OXR1: variants seen among roughly 807,000 people sequenced by gnomAD.
OXR1 encodes the protein oxidation resistance 1.
A neutral mutation model predicts 104.6 loss-of-function variants in OXR1; 41 were observed. The ratio of observed to expected loss-of-function variants is 0.39; its 90% CI spans 0.31 to 0.51. OXR1 has a LOEUF of 0.51. Ranked by LOEUF, OXR1 falls within the 20% of genes least tolerant of loss-of-function variation. The probability of loss-of-function intolerance (pLI) is 0.77; values close to 1 mark genes in which losing one functional copy is unlikely to be tolerated. For synonymous variants in OXR1, 348 were observed against 348.4 expected (o/e 1.00, Z 0.01); for missense variants, 955 against 1,031.9 (o/e 0.93, Z 1.02).
rs28924668 is a variant in OXR1, at chr8:106,722,298, C to T, written c.1956+8313C>T. Among the ~76,000 whole-genome samples the T allele has an allele frequency of 1.1e-4, 17 of 152,018 alleles. 1 individual carries two copies. The highest frequency in any genetic ancestry group is 9.8e-4 in the Admixed American group (15 of 15,272). ...GTATAAAGTCACTACATTGAGAAAT[C>T]ACATTTCTCAGATAAAGGGAATTTT... On this transcript the variant is annotated intron_variant, in intron 11 of 16. Coordinates refer to ENST00000517566, the MANE Select transcript of OXR1 (RefSeq NM_001198533.2).
At chr8:106,684,180 A>G in intron 5 of OXR1, 66 bp from the exon 6 acceptor site, 1 of 778,402 alleles carries the variant, frequency 1.3e-6, no homozygotes, top group Non-Finnish European at 2.2e-6. Flanking sequence ...GTGCTTGCTT[A>G]TAGAACACCA....
At chr8:106,434,804 C>T (rs946850615) in intron 2 of OXR1, among the ~76,000 whole-genome samples, 7 of 152,132 alleles carry the variant, frequency 4.6e-5, no homozygotes, top group African/African-American at 1.7e-4. Context: ...TAATTAGTGC[C>T]TACTAGGAAT....
intron 2 of OXR1, among the ~76,000 whole-genome samples, chr8:106,475,129 C>T (rs1821729088): frequency 6.6e-6 from 1 of 151,870 alleles, no homozygotes; most frequent in Non-Finnish European, 1.5e-5. Flanking sequence ...GTTAGCGGTG[C>T]CAATCTCCCA....
chr8:106,636,403 G>T (rs1823138982), intron 3 of OXR1, among the ~76,000 whole-genome samples: 1 of 151,936 alleles, frequency 6.6e-6, no homozygotes, highest in Admixed American at 6.6e-5. Flanking sequence ...TTATTAAGTG[G>T]CAGTATTTGT....
At chr8:106,665,499 A>G (rs1275535677) in intron 3 of OXR1, among the ~76,000 whole-genome samples, 3 of 152,244 alleles carry the variant, frequency 2.0e-5, no homozygotes, top group African/African-American at 7.2e-5. Flanking sequence ...ATTTAGGGAT[A>G]TTTAATTTTC....
rs574655664 is a variant in OXR1, at chr8:106,605,356, A to T, written c.221-73854A>T. On this transcript the variant is annotated intron_variant, in intron 3 of 16. Coordinates refer to ENST00000517566, the MANE Select transcript of OXR1 (RefSeq NM_001198533.2). ...TCTGTCTTAGGTCTATTTGTACAGG[A>T]CAGATATTCTACTTTATTCTCCAAC... Among the ~76,000 whole-genome samples, 19 of 152,286 alleles carry T rather than the reference A, an allele frequency of 1.2e-4. 1 individual carries two copies. In the South Asian group the frequency reaches 3.9e-3, roughly 32 times the overall value.
chr8:106,366,173 C>T (rs1347830031), intron 2 of OXR1, among the ~76,000 whole-genome samples: 2 of 152,170 alleles, frequency 1.3e-5, no homozygotes, highest in Non-Finnish European at 2.9e-5. Context: ...TAATGGGTCA[C>T]ATATATCATC....
At chr8:106,738,698 A>G (rs1241791985) in intron 12 of OXR1, among the ~76,000 whole-genome samples, 1 of 151,534 alleles carries the variant, frequency 6.6e-6, no homozygotes, top group Non-Finnish European at 1.5e-5. Context: ...AGTAAGCTTT[A>G]TTTTTACTTA....
intron 1 of OXR1, among the ~76,000 whole-genome samples, chr8:106,346,376 T>C (rs1174048828): frequency 6.6e-6 from 1 of 152,160 alleles, no homozygotes; most frequent in South Asian, 2.1e-4. Context: ...GTGTCTATTA[T>C]GTGGTTCTTA....
intron 16 of OXR1, 96 bp downstream of exon 16, chr8:106,745,958 C>A: frequency 1.5e-6 from 1 of 660,076 alleles, no homozygotes; most frequent in Non-Finnish European, 2.6e-6. Flanking sequence ...AAAGTGTTGA[C>A]GTTAGAATTC....
chr8:106,639,671 T>C (rs1033539485), intron 3 of OXR1, among the ~76,000 whole-genome samples: 1 of 152,170 alleles, frequency 6.6e-6, no homozygotes, highest in African/African-American at 2.4e-5. Flanking sequence ...ATAGGGCAAC[T>C]TGGCTAAGAT....
chr8:106,324,893 T>A (rs1295619895), intron 1 of OXR1, among the ~76,000 whole-genome samples: 1 of 152,226 alleles, frequency 6.6e-6, no homozygotes, highest in African/African-American at 2.4e-5. Context: ...CATAAGACAA[T>A]GTGTATTGTG....
At position 106,438,813 on chromosome 8, in the gene OXR1, A is replaced by G. The variant is rs75453107; in HGVS notation, c.23+79177A>G. Among the ~76,000 whole-genome samples the G allele has an allele frequency of 4.1e-3, 621 of 152,248 alleles. 3 individuals are homozygous for G. Among genetic ancestry groups the G allele is most frequent in the African/African-American group, 0.014 (589 of 41,562 alleles). On this transcript the variant is annotated intron_variant, in intron 2 of 16. Coordinates refer to ENST00000517566, the MANE Select transcript of OXR1 (RefSeq NM_001198533.2). ...TAGCTTGTCCAATAAGTGTGGAATT[A>G]GATTAGCACTACTCCGCTTCCCATA...
chr8:106,652,717 G>A (rs1232907067), intron 3 of OXR1, among the ~76,000 whole-genome samples: 9 of 151,226 alleles, frequency 6.0e-5, no homozygotes, highest in African/African-American at 1.9e-4. Flanking sequence ...GGGGGGCGGC[G>A]GGGGGAAATA....
At chr8:106,330,338 C>G (rs1563721271) in intron 1 of OXR1, among the ~76,000 whole-genome samples, 1 of 152,068 alleles carries the variant, frequency 6.6e-6, no homozygotes, top group Admixed American at 6.5e-5. Flanking sequence ...TTGAAGGAAA[C>G]TATTTTGCCC....
At chr8:106,641,748 G>A (rs770946916) in intron 3 of OXR1, among the ~76,000 whole-genome samples, 1 of 151,722 alleles carries the variant, frequency 6.6e-6, no homozygotes, top group African/African-American at 2.4e-5. Context: ...ATATTACCAG[G>A]GACAAAAAAC....
chr8:106,697,354 A>ACTG, intron 7 of OXR1: 1 of 1,094,832 alleles, frequency 9.1e-7, no homozygotes, highest in Non-Finnish European at 1.3e-6. Flanking sequence ...TGGGAATGTC[A>ACTG]CTGCTAAAAT....
At chr8:106,307,443 G>A (rs1475506739) in intron 1 of OXR1, among the ~76,000 whole-genome samples, 2 of 151,938 alleles carry the variant, frequency 1.3e-5, no homozygotes, top group Non-Finnish European at 2.9e-5. Context: ...CATTGTCTTC[G>A]GGTTTCCAGA....
intron 2 of OXR1, among the ~76,000 whole-genome samples, chr8:106,415,667 A>G (rs1818647163): frequency 6.6e-6 from 1 of 151,916 alleles, no homozygotes; most frequent in African/African-American, 2.4e-5. Flanking sequence ...AGTTACTTAT[A>G]AGACACACTC....
Sources: gnomAD v4.1 joint callset for allele counts (sites outside exome capture counted in the v4.1 genomes callset) on GRCh38, gnomAD v4.1.1 for gene constraint, MANE v1.5 for transcripts, NCBI Gene and HGNC (gene_info 2026-07-23, HGNC 2026-07-21) for gene names.